INPPL1: variants seen among roughly 807,000 people sequenced by gnomAD.
INPPL1 encodes the protein phosphatidylinositol 3,4,5-trisphosphate 5-phosphatase 2.
A neutral mutation model predicts 139.3 loss-of-function variants in INPPL1; 91 were observed. That is an observed-to-expected ratio of 0.65 (90% confidence interval 0.55 to 0.78). INPPL1 has a LOEUF of 0.78. Ranked by LOEUF, INPPL1 falls within the 30% of genes least tolerant of loss-of-function variation. The pLI, the probability that INPPL1 is intolerant of heterozygous loss-of-function variation, is 0.00. For missense variants in INPPL1, 1,411 were observed against 1,665.6 expected (o/e 0.85, Z 2.66); for synonymous variants, 719 against 686.6 (o/e 1.05, Z -0.74).
Position 72,234,253 on chromosome 11 carries a change from C to T in INPPL1, c.2213-28C>T. 6.6e-7 allele frequency: 1 copy of T among 1,511,540 alleles called. No homozygotes were observed. The allele number at this position is 1,511,540 out of a possible 1,614,324, so 93.6% of individuals were successfully genotyped here. ...TCCTCCTGTGATCCTCTCAGTCCTC[C>T]TGTTTGTTCTCCTCCCTTTCTCCTC... On this transcript the variant is annotated intron_variant, in intron 19 of 27. Transcript: ENST00000298229. This position sits in a 1 kb window ranked among gnomAD's most constrained non-coding sequence, Gnocchi z 4.2.
chr11:72,233,997 C>T (rs1447451927), intron 19 of INPPL1, among the ~76,000 whole-genome samples: 1 of 152,172 alleles, frequency 6.6e-6, no homozygotes, highest in Non-Finnish European at 1.5e-5. Context: ...TCTAGGGCCA[C>T]GTGTGTGTCC....
At position 72,234,486 on chromosome 11, in the gene INPPL1, A is replaced by G. The variant is rs368398054; in HGVS notation, c.2327-41A>G. On this transcript the variant is annotated intron_variant, in intron 20 of 27. Transcript: ENST00000298229. The surrounding 1 kb of genome is among the most constrained non-coding windows in gnomAD (Gnocchi z 4.2). Reference sequence around the variant, plus strand: ...CCCTACTTAGGGGGAAAGGAAGCTGAGAGGTGGTGCTCAGTTGGGTGTCTC... The same window carrying G: ...CCCTACTTAGGGGGAAAGGAAGCTGGGAGGTGGTGCTCAGTTGGGTGTCTC... 16 of 1,591,982 alleles carry G rather than the reference A, an allele frequency of 1.0e-5. No individual in the cohort carries two copies. The highest frequency in any genetic ancestry group is 1.7e-5 in the Admixed American group (1 of 59,960).
chr11:72,228,886 T>G lies in INPPL1; in HGVS notation c.518+39T>G. 6.5e-7 allele frequency: 1 copy of G among 1,542,434 alleles called. No individual in the cohort carries two copies. Among genetic ancestry groups the G allele is most frequent in the Non-Finnish European group, 8.7e-7 (1 of 1,147,136 alleles). On this transcript the variant is annotated intron_variant, in intron 4 of 27. Transcript: ENST00000298229. This position sits in a 1 kb window ranked among gnomAD's most constrained non-coding sequence, Gnocchi z 5.0. The stretch of plus-strand genomic sequence containing the variant: ...CCCATCCACTGAACAGGAGACCCTT[T>G]CTCCTCTGAGAACTATTTCCCTACC...
Position 72,235,984 on chromosome 11 carries a change from C to A in INPPL1, c.2877C>A (p.Pro959=). 1 of 1,580,112 alleles carries A rather than the reference C, an allele frequency of 6.3e-7. No homozygotes were observed. The change falls in exon 25 of 28, where the codon CCC becomes CCA. Residue 959 remains proline (P), a splice_region_variant and synonymous_variant. Transcript: ENST00000298229. This position sits in a 1 kb window ranked among gnomAD's most constrained non-coding sequence, Gnocchi z 4.9. ...RAAPREEPLT[P]RLKPEGAPEP... ...CTCCCCGGGAGGAGCCCTTGACCCC[C>A]AGGTGAGAGGAGGAACCTGTCACCG...
intron 5 of INPPL1, 48 bp downstream of exon 5, chr11:72,229,278 G>A: frequency 2.6e-6 from 4 of 1,552,536 alleles, no homozygotes; most frequent in South Asian, 1.2e-5. Context: ...CCTCTGACCT[G>A]TCCTCACCTG....
Position 72,232,714 on chromosome 11 carries a change from CACCT to C in INPPL1, c.1802_1805del (p.His601ProfsTer19). On this transcript the variant is annotated frameshift_variant, in exon 15 of 28. Coordinates refer to ENST00000298229, the MANE Select transcript of INPPL1 (RefSeq NM_001567.4). LOFTEE classifies it high-confidence loss of function. ...CTTTGACATCTCTCTGCGTTTCACA[CACCT>C]CTTCTGGTTTGGGGACCTCAACTAC... 1 of 1,614,052 alleles carries C rather than the reference CACCT, an allele frequency of 6.2e-7. No homozygotes were observed. Among genetic ancestry groups the C allele is most frequent in the Non-Finnish European group, 8.5e-7 (1 of 1,180,010 alleles).
rs1247216210 is a variant in INPPL1, at chr11:72,230,419, AG to A, written c.1150del (p.Glu384ArgfsTer28). On this transcript the variant is annotated frameshift_variant, in exon 10 of 28. Transcript: ENST00000298229. LOFTEE classifies it high-confidence loss of function. The stretch of plus-strand genomic sequence containing the variant: ...AACAAGCTGGGTGTTGTGTTTGAGA[AG>A]GAGAAGGACCGGACTCAGCGCAAGG... ...VQNKLGVVFE[K>X]EKDRTQRKDF... The A allele has an allele frequency of 1.2e-6, 2 of 1,613,992 alleles. No homozygotes were observed. The highest frequency in any genetic ancestry group is 1.7e-6 in the Non-Finnish European group (2 of 1,180,038).
rs41298113 is a variant in INPPL1, at chr11:72,238,592, G to A, written c.*239G>A. 5.3e-4 allele frequency: 206 copies of A among 386,436 alleles called. No individual in the cohort carries two copies. The highest frequency in any genetic ancestry group is 1.2e-3 in the South Asian group (19 of 15,334). 23.9% of individuals were successfully genotyped at this position (386,436 alleles called of 1,614,324 possible). On this transcript the variant is annotated 3_prime_UTR_variant, in exon 28 of 28. Coordinates refer to ENST00000298229, the MANE Select transcript of INPPL1 (RefSeq NM_001567.4). ...CGGAAGGTCAGTTGCCATGGTTACCGAGGACCCTGGTTACTCTGGTGCTGT... is the reference window on the plus strand; with the variant it reads ...CGGAAGGTCAGTTGCCATGGTTACCAAGGACCCTGGTTACTCTGGTGCTGT...
In INPPL1 at chr11:72,234,207, G is replaced by A; in HGVS notation, c.2213-74G>A. The A allele has an allele frequency of 8.5e-7, 1 of 1,174,416 alleles. No individual in the cohort carries two copies. Among genetic ancestry groups the A allele is most frequent in the South Asian group, 1.2e-5 (1 of 80,212 alleles). The allele number at this position is 1,174,416 out of a possible 1,614,324, so 72.7% of individuals were successfully genotyped here. A position where few individuals can be genotyped will look rare whatever the true frequency, so the allele number is the denominator to read the frequency against. The stretch of plus-strand genomic sequence containing the variant: ...CTGGACCCCTGATTTCCTGTCCCAG[G>A]GCCCTGTTTCTCTGTCCCATTCCTC... On this transcript the variant is annotated intron_variant, in intron 19 of 27. Coordinates refer to ENST00000298229, the MANE Select transcript of INPPL1 (RefSeq NM_001567.4). This position sits in a 1 kb window ranked among gnomAD's most constrained non-coding sequence, Gnocchi z 4.2.
Position 72,230,312 on chromosome 11 carries a change from G to A in INPPL1, c.1090+41G>A, listed in dbSNP as rs200705279. The A allele has an allele frequency of 2.8e-4, 456 of 1,612,592 alleles. 2 individuals are homozygous for A. In the African/African-American group the frequency reaches 5.7e-3, roughly 20 times the overall value. On this transcript the variant is annotated intron_variant, in intron 9 of 27. Coordinates refer to ENST00000298229, the MANE Select transcript of INPPL1 (RefSeq NM_001567.4). ...ACCTGGGAGGGGTGGGCAGGGCGGA[G>A]CCCCTGGCCTAGGGGCACAGGCCCA...
intron 1 of INPPL1, among the ~76,000 whole-genome samples, chr11:72,227,611 C>T (rs985640596): frequency 1.3e-5 from 2 of 152,196 alleles, no homozygotes; most frequent in Non-Finnish European, 2.9e-5. Context: ...GTCAGCACCC[C>T]TCTTGCCCCT....
chr11:72,238,190 G>T lies in INPPL1; in HGVS notation c.3686+15G>T. The T allele has an allele frequency of 6.2e-7, 1 of 1,610,378 alleles. No homozygotes were observed. Among genetic ancestry groups the T allele is most frequent in the Non-Finnish European group, 8.5e-7 (1 of 1,178,228 alleles). On this transcript the variant is annotated intron_variant, in intron 27 of 27. Coordinates refer to ENST00000298229, the MANE Select transcript of INPPL1 (RefSeq NM_001567.4). ...GAGTTTCTCAGGTGGGGGAGGGGCT[G>T]GCCCCGGGGGCGGAGCTGGGGCCCT...
At chr11:72,230,492 C>T (rs1284366275) in intron 10 of INPPL1, 24 bp downstream of exon 10, 1 of 1,606,884 alleles carries the variant, frequency 6.2e-7, no homozygotes. Context: ...TGGGCCAGGC[C>T]ACTGGGGACT....
intron 1 of INPPL1, among the ~76,000 whole-genome samples, chr11:72,226,177 CTTTT>C (rs772547413): frequency 7.7e-6 from 1 of 129,816 alleles, no homozygotes; most frequent in African/African-American, 3.0e-5. Context: ...CAGGGGAGAC[CTTTT>C]TTTTTTTTTT....
chr11:72,230,530 C>T (rs1948803807), intron 10 of INPPL1, 62 bp downstream of exon 10: 2 of 1,466,318 alleles, frequency 1.4e-6, no homozygotes, highest in Admixed American at 3.4e-5. Context: ...GGGTGCTTCC[C>T]ATTGGAGGGT....
rs761113986 is a variant in INPPL1, at chr11:72,228,876, G to C, written c.518+29G>C. 7 of 1,555,398 alleles carry C rather than the reference G, an allele frequency of 4.5e-6. No homozygotes were observed. In the East Asian group the frequency reaches 1.6e-4, roughly 35 times the overall value. ...AGACCCCCATCCCATCCACTGAACA[G>C]GAGACCCTTTCTCCTCTGAGAACTA... On this transcript the variant is annotated intron_variant, in intron 4 of 27. Transcript: ENST00000298229. The surrounding 1 kb of genome is among the most constrained non-coding windows in gnomAD (Gnocchi z 5.0).
chr11:72,232,440 C>A, intron 14 of INPPL1, 104 bp downstream of exon 14: 2 of 1,227,478 alleles, frequency 1.6e-6, no homozygotes, highest in East Asian at 5.1e-5. Context: ...AGGCCTGTCT[C>A]CAGAGACCCC....
Position 72,228,831 on chromosome 11 carries a change from G to T in INPPL1, c.502G>T (p.Ala168Ser). The stretch of plus-strand genomic sequence containing the variant: ...CCTGCCAGCTCCTGAGACTCCCACA[G>T]CTCCAGCTGCTGAGAGGTGAGACCC... Reference protein sequence around the residue: ...SPLPAPETPTAPAAESAPNGL... With the variant: ...SPLPAPETPTSPAAESAPNGL... The change falls in exon 4 of 28, where the codon GCT (alanine) becomes TCT (serine). Residue 168 changes from alanine to serine, a missense_variant. Transcript: ENST00000298229. The surrounding 1 kb of genome is among the most constrained non-coding windows in gnomAD (Gnocchi z 5.0). 6.2e-7 allele frequency: 1 copy of T among 1,608,476 alleles called. No individual in the cohort carries two copies. The highest frequency in any genetic ancestry group is 8.5e-7 in the Non-Finnish European group (1 of 1,177,122).
Position 72,235,805 on chromosome 11 carries a change from G to A in INPPL1, c.2739-41G>A, listed in dbSNP as rs765481964. 5 of 1,613,474 alleles carry A rather than the reference G, an allele frequency of 3.1e-6. No individual in the cohort carries two copies. The highest frequency in any genetic ancestry group is 2.2e-5 in the South Asian group (2 of 91,038). ...TATGAAAGGGTACCTGGGGGCATCT[G>A]GTCAACCCCACTTCATCTCTCTCCT... is the stretch of plus-strand genomic sequence containing the variant. On this transcript the variant is annotated intron_variant, in intron 24 of 27. Coordinates refer to ENST00000298229, the MANE Select transcript of INPPL1 (RefSeq NM_001567.4). This position sits in a 1 kb window ranked among gnomAD's most constrained non-coding sequence, Gnocchi z 4.9.
Sources: allele counts gnomAD v4.1 joint callset (sites outside exome capture counted in the v4.1 genomes callset), GRCh38; gene constraint gnomAD v4.1.1; non-coding constraint Gnocchi (gnomAD v3.1); transcripts MANE v1.5; gene names NCBI Gene and HGNC (gene_info 2026-07-23, HGNC 2026-07-21).